The following UBA7 variants were observed in gnomAD, a reference collection of about 807,000 sequenced individuals.
UBA7 encodes ubiquitin-like modifier-activating enzyme 7.
UBA7 carries 88 observed loss-of-function variants against 113.0 expected under a neutral mutation model. The ratio of observed to expected loss-of-function variants is 0.78; its 90% CI spans 0.66 to 0.93. The LOEUF (loss-of-function observed/expected upper bound fraction) is 0.93, where lower values mean the gene tolerates loss of function less well. UBA7 is among the 40% of genes least tolerant of loss of function. UBA7 has a pLI of 0.00. For synonymous variants in UBA7, 459 were observed against 513.0 expected, an observed-to-expected ratio of 0.89 and a Z score of 1.42; for missense variants, 1,092 against 1,266.4, an observed-to-expected ratio of 0.86 and a Z score of 2.09.
In UBA7 at chr3:49,812,555, G is replaced by A. The variant is rs1321356620; in HGVS notation, c.559-12C>T. 6 of 1,614,190 alleles carry A rather than the reference G, an allele frequency of 3.7e-6. No individual in the cohort carries two copies. Among genetic ancestry groups the A allele is most frequent in the Non-Finnish European group, 4.2e-6 (5 of 1,180,022 alleles). On this transcript the variant is annotated splice_polypyrimidine_tract_variant and intron_variant, in intron 5 of 23. Coordinates refer to ENST00000333486, the MANE Select transcript of UBA7 (RefSeq NM_003335.3). ...ATGCCAGGGGAGCCCTGGGTAGGAG[G>A]AGGCTTGGCTCAGGGTTGCCTGGAC...
chr3:49,811,677 C>T (rs373574322), intron 8 of UBA7, 193 bp downstream of exon 8: 10 of 1,141,414 alleles, frequency 8.8e-6, no homozygotes, highest in East Asian at 7.5e-5. Context: ...GCTTCCAGCA[C>T]AGATCTGAGG....
chr3:49,812,882 G>T, intron 4 of UBA7, 144 bp from the exon 5 acceptor site: 1 of 1,191,086 alleles, frequency 8.4e-7, no homozygotes, highest in Non-Finnish European at 1.2e-6. Flanking sequence ...GGTTACTGGA[G>T]CAGGTCTGGA....
At chr3:49,813,421 C>T in intron 2 of UBA7, 38 bp from the exon 3 acceptor site, 1 of 1,609,474 alleles carries the variant, frequency 6.2e-7, no homozygotes, top group South Asian at 1.1e-5. Flanking sequence ...CAAAGACACT[C>T]CTCTTGGGCC....
At position 49,805,349 on chromosome 3, in the gene UBA7, C is replaced by T. The variant is rs150856419; in HGVS notation, c.2998G>A (p.Asp1000Asn). The T allele has an allele frequency of 9.9e-6, 16 of 1,613,946 alleles. No individual in the cohort carries two copies. The highest frequency in any genetic ancestry group is 4.5e-5 in the East Asian group (2 of 44,862). Residue 1000 changes from aspartate to asparagine, a missense_variant, in exon 24 of 24, where the codon GAC becomes AAC. This residue lies in a region of UBA7 where 500 missense variants were observed against 529.3 expected (regional missense o/e 0.94). Transcript: ENST00000333486. ...LVLELSCEGD[D>N]EDTAFPPLHY... ...AGAGGTGGGAAGGCAGTGTCCTCGTCGTCACCCTCACAGCTCAGCTCTAGC... is the reference window on the plus strand; with the variant it reads ...AGAGGTGGGAAGGCAGTGTCCTCGTTGTCACCCTCACAGCTCAGCTCTAGC...
intron 8 of UBA7, 146 bp downstream of exon 8, chr3:49,811,724 T>C (rs2081550718): frequency 7.1e-7 from 1 of 1,402,306 alleles, no homozygotes; most frequent in Non-Finnish European, 9.8e-7. Flanking sequence ...GATGTGTGCC[T>C]GGCACTTCCA....
At position 49,807,639 on chromosome 3, in the gene UBA7, T is replaced by G; in HGVS notation, c.2715+97A>C. The G allele has an allele frequency of 7.0e-7, 1 of 1,436,052 alleles. No individual in the cohort carries two copies. Among genetic ancestry groups the G allele is most frequent in the Non-Finnish European group, 9.3e-7 (1 of 1,071,232 alleles). 89.0% of individuals were successfully genotyped at this position (1,436,052 alleles called of 1,614,324 possible). Reference sequence around the variant, plus strand: ...CTTCAGGACTTCTGCACAGTCTGAGTTTCAGTGAGAGCCGGCAGCTAGATT... The same window carrying G: ...CTTCAGGACTTCTGCACAGTCTGAGGTTCAGTGAGAGCCGGCAGCTAGATT... On this transcript the variant is annotated intron_variant, in intron 21 of 23. Coordinates refer to ENST00000333486, the MANE Select transcript of UBA7 (RefSeq NM_003335.3). This position sits in a 1 kb window ranked among gnomAD's most constrained non-coding sequence, Gnocchi z 4.0.
Position 49,812,122 on chromosome 3 carries a change from T to C in UBA7, c.779A>G (p.Lys260Arg), listed in dbSNP as rs1201672234. 6.2e-7 allele frequency: 1 copy of C among 1,614,200 alleles called. No homozygotes were observed. Among genetic ancestry groups the C allele is most frequent in the Non-Finnish European group, 8.5e-7 (1 of 1,180,038 alleles). Reference protein sequence around the residue: ...GGAITEVKRPKTVRHKSLDTA... With the variant: ...GGAITEVKRPRTVRHKSLDTA... ...ACTTGCACTCACATGTCTCACAGTC[T>C]TGGGTCTCTTGACTTCAGTGATAGC... The change falls in exon 7 of 24, where the codon AAG becomes AGG. Residue 260 changes from lysine (K) to arginine (R), a missense_variant. Lys to Arg is a conservative substitution (Grantham distance 26, BLOSUM62 2). Around this residue, in one of 3 missense-constraint regions of UBA7, gnomAD observed 584 missense variants for 714.5 expected, o/e 0.82. Coordinates refer to ENST00000333486, the MANE Select transcript of UBA7 (RefSeq NM_003335.3).
At position 49,807,958 on chromosome 3, in the gene UBA7, C is replaced by T. The variant is rs1263302473; in HGVS notation, c.2524-31G>A. ...AAGGACAAGAGATTTGGTCTGGGCC[C>T]AAGGCGTAGGGCCAGGGTTTGCCCT... On this transcript the variant is annotated intron_variant, in intron 20 of 23. Coordinates refer to ENST00000333486, the MANE Select transcript of UBA7 (RefSeq NM_003335.3). The surrounding 1 kb of genome is among the most constrained non-coding windows in gnomAD (Gnocchi z 4.0). 1.9e-6 allele frequency: 3 copies of T among 1,613,574 alleles called. No homozygotes were observed. The African/African-American group carries it at 4.0e-5, about 22-fold the overall frequency.
chr3:49,810,496 TG>T lies in UBA7; in HGVS notation c.1467+20del. 6.2e-7 allele frequency: 1 copy of T among 1,613,868 alleles called. No individual in the cohort carries two copies. The highest frequency in any genetic ancestry group is 1.1e-5 in the South Asian group (1 of 91,068). On this transcript the variant is annotated intron_variant, in intron 12 of 23. Coordinates refer to ENST00000333486, the MANE Select transcript of UBA7 (RefSeq NM_003335.3). The surrounding 1 kb of genome is among the most constrained non-coding windows in gnomAD (Gnocchi z 5.6). The stretch of plus-strand genomic sequence containing the variant: ...GAGGACGGTCTGGGATGCAGGAGTG[TG>T]GAGAGGGGTCAGCACTCACACCAAC...
intron 14 of UBA7, 32 bp downstream of exon 14, chr3:49,809,946 G>C (rs2081516611): frequency 6.2e-7 from 1 of 1,613,966 alleles, no homozygotes; most frequent in Non-Finnish European, 8.5e-7. Flanking sequence ...GGCTGAGCTG[G>C]GTGGGGTGGG....
chr3:49,813,290 G>A lies in UBA7; in HGVS notation c.319C>T (p.His107Tyr), dbSNP rs1303437616. Residue 107 changes from histidine to tyrosine, a missense_variant, in exon 3 of 24, where the codon CAC becomes TAC. By Grantham distance (83) the His-to-Tyr change is moderately conservative (BLOSUM62 2). Around this residue, in one of 3 missense-constraint regions of UBA7, gnomAD observed 584 missense variants for 714.5 expected, o/e 0.82. Transcript: ENST00000333486. ...QLNRAVQVVV[H>Y]TGDITEDLLL... The stretch of plus-strand genomic sequence containing the variant: ...AGGTCCTCAGTGATGTCACCCGTGT[G>A]CACGACGACCTGGACAGCTCTGTTG... 4 of 1,614,092 alleles carry A rather than the reference G, an allele frequency of 2.5e-6. No individual in the cohort carries two copies. In the African/African-American group the frequency reaches 5.3e-5, roughly 22 times the overall value.
rs368981426 is a variant in UBA7 at position 49,806,092 on chromosome 3, G to C, written c.2789C>G (p.Ser930Trp). 14 of 1,595,684 alleles carry C rather than the reference G, an allele frequency of 8.8e-6. No individual in the cohort carries two copies. In the Admixed American group the frequency reaches 2.5e-4, roughly 28 times the overall value. ...PAGQPERTLE[S>W]LLAHLQEQHG... ...GCACACCTGAAGATGAGCCAGCAGC[G>C]ACTCCAGGGTCCTCTCAGGCTGCCC... Residue 930 changes from serine to tryptophan, a missense_variant, in exon 22 of 24, where the codon TCG (serine) becomes TGG (tryptophan). Physicochemically the swap from Ser to Trp is radical, Grantham distance 177. This residue lies in a region of UBA7 where 500 missense variants were observed against 529.3 expected (regional missense o/e 0.94). Transcript: ENST00000333486.
chr3:49,812,975 G>A, intron 4 of UBA7, 87 bp downstream of exon 4: 1 of 1,456,040 alleles, frequency 6.9e-7, no homozygotes, highest in South Asian at 1.3e-5. Flanking sequence ...CTGGTTGGAG[G>A]GGCACTGGAG....
At position 49,806,166 on chromosome 3, in the gene UBA7, C is replaced by G; in HGVS notation, c.2716-1G>C. The G allele has an allele frequency of 1.3e-6, 2 of 1,594,152 alleles. No homozygotes were observed. Among genetic ancestry groups the G allele is most frequent in the South Asian group, 2.3e-5 (2 of 87,708 alleles). On this transcript the variant is annotated splice_acceptor_variant, in intron 21 of 23. Coordinates refer to ENST00000333486, the MANE Select transcript of UBA7 (RefSeq NM_003335.3). LOFTEE classifies it high-confidence loss of function. ...AAGAGGTCCACTTCAGGTGATGGAA[C>G]TGGGATGAGGTAGAGGAGGAGTCAG...
At position 49,810,986 on chromosome 3, in the gene UBA7, G is replaced by T; in HGVS notation, c.1228C>A (p.Leu410Met). Residue 410 changes from leucine to methionine, a missense_variant and splice_region_variant, in exon 10 of 24, where the codon CTG becomes ATG. Transcript: ENST00000333486. The surrounding 1 kb of genome is among the most constrained non-coding windows in gnomAD (Gnocchi z 5.6). The part of the protein sequence containing the change: ...ELLPSPEDCA[L>M]RGSRYDGQIA... Reference sequence around the variant, plus strand: ...GCACCCCTATCCCAGGCTCTCACCAGGGCACAGTCCTCAGGACTGGGAAGG... The same window carrying T: ...GCACCCCTATCCCAGGCTCTCACCATGGCACAGTCCTCAGGACTGGGAAGG... 1.2e-6 allele frequency: 2 copies of T among 1,614,032 alleles called. No homozygotes were observed. Among genetic ancestry groups the T allele is most frequent in the Non-Finnish European group, 8.5e-7 (1 of 1,179,920 alleles).
rs914161022 is a variant in UBA7 at position 49,809,576 on chromosome 3, A to G, written c.2054T>C (p.Ile685Thr). The G allele has an allele frequency of 1.2e-6, 2 of 1,614,088 alleles. No homozygotes were observed. The highest frequency in any genetic ancestry group is 3.3e-5 in the Admixed American group (2 of 60,018). Residue 685 changes from isoleucine to threonine, a missense_variant, in exon 16 of 24, where the codon ATC becomes ACC. Ile to Thr is a moderately conservative substitution (Grantham distance 89). Around this residue, in one of 3 missense-constraint regions of UBA7, gnomAD observed 500 missense variants for 529.3 expected, o/e 0.94. Transcript: ENST00000333486. ...TGGGAAGTGCCTCAGCAGCTGTTTG[A>G]TGCCATAATGAAAGCAGAGTTTCCA... The part of the protein sequence containing the change: ...GHWKLCFHYG[I>T]KQLLRHFPPN...
In UBA7 at chr3:49,809,661, C is replaced by G. The variant is rs755133281; in HGVS notation, c.1969G>C (p.Gly657Arg). The change falls in exon 16 of 24, where the codon GGG becomes CGG. Residue 657 changes from glycine to arginine, a missense_variant. By Grantham distance (125) the Gly-to-Arg change is moderately radical (BLOSUM62 -2). Coordinates refer to ENST00000333486, the MANE Select transcript of UBA7 (RefSeq NM_003335.3). ...QTLTLLKPVL[G>R]VLRVRPQNWQ... Reference sequence around the variant, plus strand: ...TTCTGTGGACGCACTCTCAGGACCCCAAGCACTGGCTTCAGTAAGGTGAGT... The same window carrying G: ...TTCTGTGGACGCACTCTCAGGACCCGAAGCACTGGCTTCAGTAAGGTGAGT... 1 of 1,614,130 alleles carries G rather than the reference C, an allele frequency of 6.2e-7. No homozygotes were observed.
Position 49,811,351 on chromosome 3 carries a change from TG to T in UBA7, c.1043del (p.Thr348LysfsTer4). 1.2e-6 allele frequency: 2 copies of T among 1,614,224 alleles called. No homozygotes were observed. The highest frequency in any genetic ancestry group is 1.7e-6 in the Non-Finnish European group (2 of 1,180,022). Reference protein sequence around the residue: ...EEPLDEALVRTVALSSAGVLS... With the variant: ...EEPLDEALVRXVALSSAGVLS... Reference sequence around the variant, plus strand: ...AGACACCTGCACTGCTTAGGGCGACTGTCCGCACTAGGGCCTCATCCAGTGG... The same window carrying T: ...AGACACCTGCACTGCTTAGGGCGACTTCCGCACTAGGGCCTCATCCAGTGG... On this transcript the variant is annotated frameshift_variant, in exon 9 of 24. Transcript: ENST00000333486. LOFTEE classifies it high-confidence loss of function.
rs1436729691 is a variant in UBA7, at chr3:49,813,461, G to A, written c.225+18C>T. ...CCCCACCTTGGTCTGGCAGCCCATA[G>A]CCCCCCAGGACACTTACCTGGGCAG... On this transcript the variant is annotated intron_variant, in intron 2 of 23. Coordinates refer to ENST00000333486, the MANE Select transcript of UBA7 (RefSeq NM_003335.3). The A allele has an allele frequency of 6.2e-7, 1 of 1,610,532 alleles. No homozygotes were observed. Among genetic ancestry groups the A allele is most frequent in the Non-Finnish European group, 8.5e-7 (1 of 1,177,874 alleles).
Sources: gnomAD v4.1 joint callset for allele counts on GRCh38, gnomAD v4.1.1 for gene constraint, gnomAD v4.1.1 regional missense constraint, Gnocchi (gnomAD v3.1) non-coding constraint, MANE v1.5 for transcripts, NCBI Gene and HGNC (gene_info 2026-07-23, HGNC 2026-07-21) for gene names.